TRPC4AP: variants seen among roughly 807,000 people sequenced by gnomAD.
The protein encoded by TRPC4AP is short transient receptor potential channel 4-associated protein.
A neutral mutation model predicts 99.0 loss-of-function variants in TRPC4AP; 45 were observed. The ratio of observed to expected loss-of-function variants is 0.45; its 90% CI spans 0.36 to 0.58. The LOEUF (loss-of-function observed/expected upper bound fraction) is 0.58. TRPC4AP is among the 20% of genes least tolerant of loss of function. The pLI is 0.00. For missense variants in TRPC4AP, 879 were observed against 985.3 expected (o/e 0.89, Z 1.44); for synonymous variants, 408 against 385.8 (o/e 1.06, Z -0.67).
intron 9 of TRPC4AP, among the ~76,000 whole-genome samples, chr20:35,018,604 G>GAAA (rs11479211): frequency 3.5e-3 from 307 of 88,678 alleles, no homozygotes; most frequent in Middle Eastern, 6.4e-3. Flanking sequence ...CTCAAAAAAA[G>GAAA]AAAAAAAAAA....
At chr20:35,057,682 CT>C in intron 3 of TRPC4AP, 111 bp from the exon 4 acceptor site, 1 of 841,822 alleles carries the variant, frequency 1.2e-6, no homozygotes, top group Non-Finnish European at 1.8e-6. Context: ...TTACAAGACC[CT>C]TTTGTTCCAG....
chr20:35,074,605 T>A (rs1026427595), intron 2 of TRPC4AP, among the ~76,000 whole-genome samples: 1 of 152,244 alleles, frequency 6.6e-6, no homozygotes, highest in Non-Finnish European at 1.5e-5. Context: ...AATCCTGAGT[T>A]CTAGTTTGAT....
intron 10 of TRPC4AP, among the ~76,000 whole-genome samples, chr20:35,013,596 C>T (rs935971554): frequency 6.6e-6 from 1 of 152,098 alleles, no homozygotes; most frequent in Non-Finnish European, 1.5e-5. Flanking sequence ...AACCAACCAA[C>T]AAACAAAACA....
intron 7 of TRPC4AP, 101 bp from the exon 8 acceptor site, chr20:35,035,409 C>T: frequency 8.2e-7 from 1 of 1,213,946 alleles, no homozygotes. Context: ...ATAATTCTTA[C>T]TCTGATAGTA....
intron 9 of TRPC4AP, among the ~76,000 whole-genome samples, chr20:35,019,508 G>A (rs1406505500): frequency 6.6e-6 from 1 of 152,148 alleles, no homozygotes; most frequent in African/African-American, 2.4e-5. Flanking sequence ...TTTATGCCCT[G>A]GCTTTCTCAA....
rs1859377406 is a variant in TRPC4AP at position 35,035,125 on chromosome 20, T to C, written c.1049A>G (p.Gln350Arg). The C allele has an allele frequency of 2.5e-6, 4 of 1,613,216 alleles. No individual in the cohort carries two copies. In the African/African-American group the frequency reaches 5.3e-5, roughly 22 times the overall value. Residue 350 changes from glutamine to arginine, a missense_variant and splice_region_variant, in exon 8 of 19, where the codon CAA becomes CGA. By Grantham distance (43) the Gln-to-Arg change is conservative. This residue lies in a region of TRPC4AP where 603 missense variants were observed against 631.8 expected (regional missense o/e 0.95). Coordinates refer to ENST00000252015, the MANE Select transcript of TRPC4AP (RefSeq NM_015638.3). ...TCAGGGGACCCATCCTTCCATACCT[T>C]GATTGTGCTCTGACTCCTCATTGGC... ...RVANEESEHN[Q>R]ASIVFPPPGA...
In TRPC4AP at chr20:35,004,454, TC is replaced by T. The variant is rs779931531; in HGVS notation, c.2049+3del. On this transcript the variant is annotated splice_donor_region_variant and intron_variant, in intron 17 of 18. Transcript: ENST00000252015. ...CCTGCTGTGTGTCTGCCGGGGCCTC[TC>T]ACCTGGGTCAGCGTCTGCACGTGGA... 6.2e-7 allele frequency: 1 copy of T among 1,612,032 alleles called. No homozygotes were observed.
At chr20:35,077,576 G>A (rs1369285095) in intron 2 of TRPC4AP, among the ~76,000 whole-genome samples, 1 of 152,156 alleles carries the variant, frequency 6.6e-6, no homozygotes, top group Non-Finnish European at 1.5e-5. Context: ...TCCAGTTTGA[G>A]AACAATTATC....
At chr20:35,025,891 C>T (rs2083017865) in intron 8 of TRPC4AP, among the ~76,000 whole-genome samples, 1 of 152,162 alleles carries the variant, frequency 6.6e-6, no homozygotes, top group Non-Finnish European at 1.5e-5. Flanking sequence ...ATGTTTTCTT[C>T]TAAGGGTTTC....
intron 7 of TRPC4AP, among the ~76,000 whole-genome samples, chr20:35,042,961 G>C (rs761788651): frequency 1.3e-5 from 2 of 152,064 alleles, no homozygotes; most frequent in Non-Finnish European, 2.9e-5. Flanking sequence ...TATGTTTCTT[G>C]TGTACCCTTT....
intron 8 of TRPC4AP, among the ~76,000 whole-genome samples, chr20:35,024,674 TA>T (rs1174571651): frequency 6.6e-6 from 1 of 151,124 alleles, no homozygotes; most frequent in Non-Finnish European, 1.5e-5. Flanking sequence ...TTACAAAAAA[TA>T]AAAAAATTAG....
chr20:35,034,577 G>C (rs971971894), intron 8 of TRPC4AP, among the ~76,000 whole-genome samples: 22 of 152,186 alleles, frequency 1.4e-4, no homozygotes, highest in African/African-American at 4.6e-4. Flanking sequence ...CCTATTCCTT[G>C]TTTGGGAGCT....
chr20:35,051,520 T>C (rs908571636), intron 5 of TRPC4AP, among the ~76,000 whole-genome samples: 9 of 151,062 alleles, frequency 6.0e-5, no homozygotes, highest in African/African-American at 2.0e-4. Flanking sequence ...GCCACGTATA[T>C]AAATCTTTGA....
In TRPC4AP at chr20:35,021,201, G is replaced by T; in HGVS notation, c.1207C>A (p.Gln403Lys). Residue 403 changes from glutamine (Q) to lysine (K), a missense_variant, in exon 9 of 19, where the codon CAG becomes AAG. Physicochemically the swap from Gln to Lys is moderately conservative, Grantham distance 53 (BLOSUM62 1). Coordinates refer to ENST00000252015, the MANE Select transcript of TRPC4AP (RefSeq NM_015638.3). Reference protein sequence around the residue: ...YVLCVLLMGRQRNQVHRMIAE... With the variant: ...YVLCVLLMGRKRNQVHRMIAE... ...GGAGAGGGGCCCACCTGGTTTCGCT[G>T]ACGCCCCATCAGCAGCACGCAGAGG... The T allele has an allele frequency of 1.2e-6, 2 of 1,612,206 alleles. No individual in the cohort carries two copies. The highest frequency in any genetic ancestry group is 1.7e-6 in the Non-Finnish European group (2 of 1,178,580).
chr20:35,023,327 G>A (rs1357096859), intron 8 of TRPC4AP, among the ~76,000 whole-genome samples: 1 of 152,200 alleles, frequency 6.6e-6, no homozygotes, highest in Non-Finnish European at 1.5e-5. Context: ...GTTGTAAGGA[G>A]TAGAGGGATA....
In TRPC4AP at chr20:35,035,317, G is replaced by C; in HGVS notation, c.866-9C>G. ...AATGCTGAGAAGGGCCGCTGCCAGG[G>C]AAAGAACAAGCGAGGAAATTTTCAA... On this transcript the variant is annotated splice_polypyrimidine_tract_variant and intron_variant, in intron 7 of 18. Transcript: ENST00000252015. 6.2e-7 allele frequency: 1 copy of C among 1,611,624 alleles called. No homozygotes were observed. The highest frequency in any genetic ancestry group is 8.5e-7 in the Non-Finnish European group (1 of 1,178,792).
At chr20:35,073,587 T>C (rs889266238) in intron 2 of TRPC4AP, among the ~76,000 whole-genome samples, 1 of 152,244 alleles carries the variant, frequency 6.6e-6, no homozygotes, top group Non-Finnish European at 1.5e-5. Context: ...TTGATTTGCA[T>C]ATGTTGAACC....
At chr20:35,074,217 C>T (rs1026336858) in intron 2 of TRPC4AP, among the ~76,000 whole-genome samples, 2 of 152,100 alleles carry the variant, frequency 1.3e-5, no homozygotes, top group South Asian at 2.1e-4. Flanking sequence ...TTTCGAAAAA[C>T]GAGCTTCTGG....
chr20:35,060,436 C>A (rs2180849), intron 3 of TRPC4AP, among the ~76,000 whole-genome samples: 110,225 of 151,680 alleles, frequency 0.73, 40,372 homozygotes, highest in Middle Eastern at 0.83. Flanking sequence ...AAATTAAAAC[C>A]AAAAATTAGC....
Sources: gnomAD v4.1 joint callset for allele counts (sites outside exome capture counted in the v4.1 genomes callset) on GRCh38, gnomAD v4.1.1 for gene constraint, gnomAD v4.1.1 regional missense constraint, MANE v1.5 for transcripts, NCBI Gene and HGNC (gene_info 2026-07-23, HGNC 2026-07-21) for gene names.